Variants in EFCAB5 observed in about 807,000 individuals in gnomAD.
The protein encoded by EFCAB5 is EF-hand calcium binding domain 5, also known as EF-hand calcium-binding domain-containing protein 5.
EFCAB5 carries 131 observed loss-of-function variants against 167.9 expected under a neutral mutation model. The ratio of observed to expected loss-of-function variants is 0.78; its 90% CI spans 0.68 to 0.90. The LOEUF is 0.90. Ranked by LOEUF, EFCAB5 falls within the 40% of genes least tolerant of loss-of-function variation. The pLI, the probability that EFCAB5 is intolerant of heterozygous loss-of-function variation, is 0.00. For synonymous variants in EFCAB5, 574 were observed against 602.8 expected (o/e 0.95, Z 0.70); for missense variants, 1,663 against 1,745.2 (o/e 0.95, Z 0.84).
At chr17:30,064,070 C>T (rs979133729) in intron 14 of EFCAB5, among the ~76,000 whole-genome samples, 1 of 151,968 alleles carries the variant, frequency 6.6e-6, no homozygotes, top group Non-Finnish European at 1.5e-5. Context: ...AATTGTTCCA[C>T]CAAATAAACA....
intron 14 of EFCAB5, among the ~76,000 whole-genome samples, chr17:30,062,243 A>G (rs996856242): frequency 2.6e-5 from 4 of 152,194 alleles, no homozygotes; most frequent in African/African-American, 9.7e-5. Context: ...AAGAAAAATA[A>G]CTGAGGGAGA....
In EFCAB5 at chr17:30,080,857, GT is replaced by G. The variant is rs1274837194; in HGVS notation, c.3304del (p.Ser1102HisfsTer12). 2 of 1,613,632 alleles carry G rather than the reference GT, an allele frequency of 1.2e-6. No homozygotes were observed. The highest frequency in any genetic ancestry group is 1.7e-5 in the Admixed American group (1 of 59,964). ...NQSRNKHDYNGSFLALPLQDA... is the reference protein window; with the variant it reads ...NQSRNKHDYNXSFLALPLQDA... Reference sequence around the variant, plus strand: ...TCCCGTAATAAGCATGATTATAATGGTTCATTCCTGGCTCTGCCTCTTCAAG... The same window carrying G: ...TCCCGTAATAAGCATGATTATAATGGTCATTCCTGGCTCTGCCTCTTCAAG... On this transcript the variant is annotated frameshift_variant, in exon 17 of 23. Coordinates refer to ENST00000394835, the MANE Select transcript of EFCAB5 (RefSeq NM_198529.4). LOFTEE classifies it high-confidence loss of function.
intron 8 of EFCAB5, among the ~76,000 whole-genome samples, chr17:30,045,867 A>G (rs2069913925): frequency 6.6e-6 from 1 of 151,010 alleles, no homozygotes; most frequent in Admixed American, 6.6e-5. Context: ...ATAAAATTAA[A>G]AATAAATAAA....
chr17:29,988,447 G>C (rs1026000263), intron 4 of EFCAB5, among the ~76,000 whole-genome samples: 6 of 152,178 alleles, frequency 3.9e-5, no homozygotes, highest in Non-Finnish European at 5.9e-5. Flanking sequence ...CTGAAGTATA[G>C]GGTGTCTGGA....
intron 4 of EFCAB5, among the ~76,000 whole-genome samples, chr17:29,986,537 A>G (rs2068284916): frequency 6.6e-6 from 1 of 151,978 alleles, no homozygotes; most frequent in African/African-American, 2.4e-5. Flanking sequence ...TCTGCAGTGC[A>G]ATCTTCCCAA....
chr17:30,076,579 T>C lies in EFCAB5; in HGVS notation c.2738-1636T>C, dbSNP rs116608473. ...TAGTATTTGTTAATTGTCAAATAAATGGTGTAGAATAGATGCTATCGTCTT... is the reference window on the plus strand; with the variant it reads ...TAGTATTTGTTAATTGTCAAATAAACGGTGTAGAATAGATGCTATCGTCTT... On this transcript the variant is annotated intron_variant, in intron 14 of 22. Coordinates refer to ENST00000394835, the MANE Select transcript of EFCAB5 (RefSeq NM_198529.4). 7.5e-3 allele frequency among the ~76,000 whole-genome samples: 1,146 copies of C among 152,322 alleles called. 22 individuals are homozygous for C. The highest frequency in any genetic ancestry group is 0.026 in the African/African-American group (1,088 of 41,572).
intron 8 of EFCAB5, among the ~76,000 whole-genome samples, chr17:30,040,412 T>C (rs2069738616): frequency 6.6e-6 from 1 of 152,236 alleles, no homozygotes; most frequent in Admixed American, 6.5e-5. Context: ...TATGGTGGTA[T>C]TATGGAGAAC....
At chr17:30,054,239 T>C (rs2070190811) in intron 10 of EFCAB5, 91 bp downstream of exon 10, 1 of 1,441,662 alleles carries the variant, frequency 6.9e-7, no homozygotes, top group African/African-American at 1.4e-5. Flanking sequence ...AAGTTAGAAT[T>C]TTTTTTCTGG....
intron 4 of EFCAB5, among the ~76,000 whole-genome samples, chr17:29,988,331 A>C (rs903143035): frequency 3.9e-5 from 6 of 152,216 alleles, no homozygotes; most frequent in Non-Finnish European, 5.9e-5. Context: ...AGCATTTTCA[A>C]TTAATTGTGT....
intron 22 of EFCAB5, among the ~76,000 whole-genome samples, chr17:30,104,112 T>C (rs184934917): frequency 1.7e-3 from 266 of 152,252 alleles, no homozygotes; most frequent in Non-Finnish European, 1.9e-3. Flanking sequence ...TGACTTGGGG[T>C]ATGTGAAGCA....
At chr17:29,994,363 G>A (rs893010137) in intron 5 of EFCAB5, among the ~76,000 whole-genome samples, 2 of 151,418 alleles carry the variant, frequency 1.3e-5, no homozygotes, top group African/African-American at 4.9e-5. Context: ...TCTTTGGATG[G>A]CCAAAGTGCT....
At position 29,999,778 on chromosome 17, in the gene EFCAB5, C is replaced by CT; in HGVS notation, c.974-125dup. Reference sequence around the variant, plus strand: ...ATGTTACCCAACTATATGTAATTCACTTTATTGTAATTATGGTTAGACATT... The same window carrying CT: ...ATGTTACCCAACTATATGTAATTCACTTTTATTGTAATTATGGTTAGACATT... On this transcript the variant is annotated intron_variant, in intron 6 of 22. Coordinates refer to ENST00000394835, the MANE Select transcript of EFCAB5 (RefSeq NM_198529.4). 5.2e-6 allele frequency: 3 copies of CT among 575,208 alleles called. 1 individual carries two copies. The highest frequency in any genetic ancestry group is 8.3e-6 in the Non-Finnish European group (3 of 361,268). 35.6% of individuals were successfully genotyped at this position (575,208 alleles called of 1,614,324 possible).
At chr17:30,036,414 G>C (rs1337075224) in intron 8 of EFCAB5, among the ~76,000 whole-genome samples, 1 of 145,140 alleles carries the variant, frequency 6.9e-6, no homozygotes, top group Non-Finnish European at 1.5e-5. Context: ...TAATATTAGA[G>C]AGAGAGAGAG....
chr17:29,996,231 CT>C, intron 5 of EFCAB5, 80 bp from the exon 6 acceptor site: 1 of 1,180,622 alleles, frequency 8.5e-7, no homozygotes, highest in South Asian at 1.4e-5. Context: ...CTATAGATGG[CT>C]TTTAGTCTAA....
chr17:29,971,975 A>G (rs891823798), intron 4 of EFCAB5, among the ~76,000 whole-genome samples: 1 of 151,976 alleles, frequency 6.6e-6, no homozygotes, highest in African/African-American at 2.4e-5. Context: ...TTTCTGTTAG[A>G]TGCTCAAATT....
At chr17:30,048,087 C>T (rs1392822651) in intron 8 of EFCAB5, among the ~76,000 whole-genome samples, 1 of 152,138 alleles carries the variant, frequency 6.6e-6, no homozygotes, top group African/African-American at 2.4e-5. Flanking sequence ...TCCCGTGGAC[C>T]ACTGGGTAAA....
At chr17:29,968,436 C>T (rs2067878466) in intron 3 of EFCAB5, 2 of 396,114 alleles carry the variant, frequency 5.0e-6, no homozygotes, top group Middle Eastern at 4.2e-4. Flanking sequence ...AACAGAGCCT[C>T]AAGAGGAGAA....
chr17:30,000,064 T>C (rs1437429517), intron 7 of EFCAB5, 88 bp downstream of exon 7: 5 of 911,658 alleles, frequency 5.5e-6, no homozygotes, highest in Non-Finnish European at 8.2e-6. Context: ...ATTAAATTAG[T>C]ATTAAATGAA....
chr17:30,032,184 T>A (rs922590967), intron 7 of EFCAB5, among the ~76,000 whole-genome samples: 3 of 152,174 alleles, frequency 2.0e-5, no homozygotes, highest in African/African-American at 7.2e-5. Context: ...CTGAGCTGAA[T>A]ATGTACAACT....
Sources: allele counts gnomAD v4.1 joint callset (sites outside exome capture counted in the v4.1 genomes callset), GRCh38; gene constraint gnomAD v4.1.1; transcripts MANE v1.5; gene names NCBI Gene and HGNC (gene_info 2026-07-23, HGNC 2026-07-21).